Variants in CADM2 observed in about 807,000 individuals in gnomAD.
CADM2 encodes immunoglobulin superfamily member 4D.
CADM2 carries 12 observed loss-of-function variants against 49.8 expected under a neutral mutation model. The ratio of observed to expected loss-of-function variants is 0.24; its 90% CI spans 0.15 to 0.39. The LOEUF (loss-of-function observed/expected upper bound fraction) is 0.39. Ranked by LOEUF, CADM2 falls within the 10% of genes least tolerant of loss-of-function variation. The pLI is 1.00. For missense variants in CADM2, 378 were observed against 492.3 expected, an observed-to-expected ratio of 0.77 and a Z score of 2.20; for synonymous variants, 214 against 175.4, an observed-to-expected ratio of 1.22 and a Z score of -1.74.
intron 1 of CADM2, among the ~76,000 whole-genome samples, chr3:85,306,920 G>A (rs562602563): frequency 8.6e-5 from 13 of 151,630 alleles, no homozygotes; most frequent in African/African-American, 3.1e-4. Context: ...CAAAGATAGT[G>A]CATCAACATC....
chr3:85,023,547 C>A (rs73139689), intron 1 of CADM2, among the ~76,000 whole-genome samples: 13,648 of 151,878 alleles, frequency 0.09, 836 homozygotes, highest in Non-Finnish European at 0.14. Context: ...AAGGTCTCGG[C>A]CCCTCTCTCC....
chr3:85,062,003 TACAC>T (rs937486146), intron 1 of CADM2, among the ~76,000 whole-genome samples: 1 of 151,552 alleles, frequency 6.6e-6, no homozygotes, highest in Non-Finnish European at 1.5e-5. Context: ...AGAGCTTACA[TACAC>T]ACATTCTGTC....
intron 1 of CADM2, among the ~76,000 whole-genome samples, chr3:85,649,977 C>A (rs2064996893): frequency 6.6e-6 from 1 of 152,154 alleles, no homozygotes; most frequent in African/African-American, 2.4e-5. Context: ...AGGCATCACT[C>A]TAGACCTCTG....
At chr3:85,716,190 T>G (rs1313863128) in intron 1 of CADM2, among the ~76,000 whole-genome samples, 1 of 152,216 alleles carries the variant, frequency 6.6e-6, no homozygotes, top group Non-Finnish European at 1.5e-5. Flanking sequence ...TTTTTAATGA[T>G]CACCATTCTA....
intron 1 of CADM2, among the ~76,000 whole-genome samples, chr3:85,548,598 T>A (rs984536936): frequency 6.6e-6 from 1 of 152,134 alleles, no homozygotes; most frequent in Non-Finnish European, 1.5e-5. Context: ...CTGGAATGTG[T>A]AGGATGTAAT....
chr3:85,687,387 C>A (rs1295350525), intron 1 of CADM2, among the ~76,000 whole-genome samples: 1 of 151,434 alleles, frequency 6.6e-6, no homozygotes, highest in African/African-American at 2.4e-5. Context: ...TTAGGAGACA[C>A]AGAAACAGAC....
chr3:85,693,915 G>T (rs1281705772), intron 1 of CADM2, among the ~76,000 whole-genome samples: 1 of 121,942 alleles, frequency 8.2e-6, no homozygotes, highest in Admixed American at 8.1e-5. Context: ...AAAGAAAAAA[G>T]AAAAAAAAAA....
rs115791775 is a variant in CADM2, at chr3:86,017,603, C to T, written c.971-48002C>T. 3.5e-3 allele frequency among the ~76,000 whole-genome samples: 532 copies of T among 151,714 alleles called. 10 individuals carry two copies. Among genetic ancestry groups the T allele is most frequent in the East Asian group, 0.027 (136 of 5,112 alleles). On this transcript the variant is annotated intron_variant, in intron 8 of 9. Transcript: ENST00000383699. Reference sequence around the variant, plus strand: ...AATTAGCCGGGCACAGTAGCATACACGTGTAGTCTCAGCTCTTCAGGAAGC... The same window carrying T: ...AATTAGCCGGGCACAGTAGCATACATGTGTAGTCTCAGCTCTTCAGGAAGC...
chr3:85,027,626 T>G (rs1426634469), intron 1 of CADM2, among the ~76,000 whole-genome samples: 1 of 152,172 alleles, frequency 6.6e-6, no homozygotes, highest in Non-Finnish European at 1.5e-5. Context: ...TTCATTTATT[T>G]TGATTCAAAA....
chr3:85,396,754 C>G (rs1231527691), intron 1 of CADM2, among the ~76,000 whole-genome samples: 1 of 151,930 alleles, frequency 6.6e-6, no homozygotes, highest in African/African-American at 2.4e-5. Flanking sequence ...ATACCACATA[C>G]AAAAATTAAT....
intron 2 of CADM2, among the ~76,000 whole-genome samples, chr3:85,733,806 A>G (rs1169456196): frequency 6.6e-6 from 1 of 152,158 alleles, no homozygotes; most frequent in Non-Finnish European, 1.5e-5. Context: ...TCTCATCTGA[A>G]AGGCAAGATC....
At chr3:85,256,090 G>A (rs563910685) in intron 1 of CADM2, among the ~76,000 whole-genome samples, 22 of 151,770 alleles carry the variant, frequency 1.4e-4, no homozygotes, top group Admixed American at 1.3e-3. Context: ...CACTTGATTC[G>A]TGATCCCATT....
intron 6 of CADM2, among the ~76,000 whole-genome samples, chr3:85,932,698 C>A (rs1057166987): frequency 1.3e-5 from 2 of 152,020 alleles, no homozygotes; most frequent in Non-Finnish European, 2.9e-5. Flanking sequence ...ATTTAAATCT[C>A]CATTTTAAAA....
intron 6 of CADM2, among the ~76,000 whole-genome samples, chr3:85,914,725 A>G (rs1327671995): frequency 1.3e-5 from 2 of 152,190 alleles, no homozygotes; most frequent in African/African-American, 2.4e-5. Flanking sequence ...CAAAGGAGAA[A>G]ACATAGCAGA....
intron 1 of CADM2, among the ~76,000 whole-genome samples, chr3:85,651,174 A>C (rs1228546073): frequency 1.3e-5 from 2 of 152,108 alleles, no homozygotes; most frequent in East Asian, 3.9e-4. Context: ...ATTTATTTCA[A>C]AAATTCAAAT....
chr3:86,010,901 C>G (rs1352350060), intron 8 of CADM2, among the ~76,000 whole-genome samples: 4 of 151,620 alleles, frequency 2.6e-5, no homozygotes, highest in Admixed American at 1.3e-4. Flanking sequence ...TTTTATAACT[C>G]TAGGCATAGA....
At chr3:86,013,204 G>A in intron 8 of CADM2, 1 of 1,386,748 alleles carries the variant, frequency 7.2e-7, no homozygotes, top group East Asian at 2.3e-5. Flanking sequence ...AAACATTGAT[G>A]AAACTTCTGA....
At chr3:85,635,993 T>A (rs1161215087) in intron 1 of CADM2, among the ~76,000 whole-genome samples, 1 of 152,192 alleles carries the variant, frequency 6.6e-6, no homozygotes, top group Non-Finnish European at 1.5e-5. Flanking sequence ...TGCTGCCAGT[T>A]GTTTAAAAGT....
intron 1 of CADM2, among the ~76,000 whole-genome samples, chr3:85,624,392 G>C (rs532670756): frequency 9.2e-5 from 14 of 152,136 alleles, no homozygotes; most frequent in African/African-American, 3.4e-4. Flanking sequence ...GAGTGCAGTG[G>C]TGCAATCTTG....
Sources: allele counts gnomAD v4.1 joint callset (sites outside exome capture counted in the v4.1 genomes callset), GRCh38; gene constraint gnomAD v4.1.1; transcripts MANE v1.5; gene names NCBI Gene and HGNC (gene_info 2026-07-23, HGNC 2026-07-21).